Variants in MERTK observed in about 807,000 individuals in gnomAD.
MERTK encodes the protein MER proto-oncogene, tyrosine kinase, also known as tyrosine-protein kinase Mer.
MERTK carries 69 observed loss-of-function variants against 99.3 expected under a neutral mutation model. The observed-to-expected ratio is 0.70, with a 90% CI of 0.57 to 0.85. The LOEUF (loss-of-function observed/expected upper bound fraction) is 0.85. MERTK is among the 40% of genes least tolerant of loss of function. The pLI is 0.00. For synonymous variants in MERTK, 426 were observed against 467.6 expected (o/e 0.91, Z 1.15); for missense variants, 1,125 against 1,249.4 (o/e 0.90, Z 1.50).
intron 2 of MERTK, among the ~76,000 whole-genome samples, chr2:111,934,949 C>T (rs1684738633): frequency 6.6e-6 from 1 of 152,032 alleles, no homozygotes; most frequent in African/African-American, 2.4e-5. Flanking sequence ...ATCTAATGGC[C>T]CAGAGCTTTG....
intron 16 of MERTK, among the ~76,000 whole-genome samples, chr2:112,020,886 G>A (rs1558810495): frequency 6.6e-6 from 1 of 152,038 alleles, no homozygotes; most frequent in African/African-American, 2.4e-5. Flanking sequence ...ACACAGATCA[G>A]AGCGATGCAA....
Position 112,028,344 on chromosome 2 carries a change from C to T in MERTK, c.2487-7C>T, listed in dbSNP as rs761348682. 14 of 1,614,062 alleles carry T rather than the reference C, an allele frequency of 8.7e-6. No homozygotes were observed. The highest frequency in any genetic ancestry group is 1.1e-5 in the Non-Finnish European group (13 of 1,179,934). On this transcript the variant is annotated splice_polypyrimidine_tract_variant and splice_region_variant and intron_variant, in intron 18 of 18. Transcript: ENST00000295408. The stretch of plus-strand genomic sequence containing the variant: ...TGGGAGACAATCCACTTCTTTTTAA[C>T]TTTCAGGTATGAAATAATGTACTCT...
intron 6 of MERTK, among the ~76,000 whole-genome samples, chr2:111,968,952 G>A (rs1676018793): frequency 6.6e-6 from 1 of 152,210 alleles, no homozygotes; most frequent in South Asian, 2.1e-4. Context: ...AGAAGGGCCA[G>A]GACAAGATAG....
In MERTK at chr2:111,974,360, C is replaced by G. The variant is rs147571811; in HGVS notation, c.961-929C>G. ...GGAGGTCAAACCATTGCACTCCAGCCTGGGCAACAGAGTCAGACTCCATCT... is the reference window on the plus strand; with the variant it reads ...GGAGGTCAAACCATTGCACTCCAGCGTGGGCAACAGAGTCAGACTCCATCT... On this transcript the variant is annotated intron_variant, in intron 6 of 18. Transcript: ENST00000295408. 3.1e-3 allele frequency among the ~76,000 whole-genome samples: 470 copies of G among 151,860 alleles called. 11 individuals carry two copies. Among genetic ancestry groups the G allele is most frequent in the Admixed American group, 0.02 (304 of 15,248 alleles).
chr2:112,014,454 G>A (rs1677175912), intron 15 of MERTK, among the ~76,000 whole-genome samples: 1 of 152,086 alleles, frequency 6.6e-6, no homozygotes, highest in Non-Finnish European at 1.5e-5. Flanking sequence ...GTGAGCCACC[G>A]TGCCTAGCTG....
At chr2:111,898,949 C>G (rs1261179618) in intron 1 of MERTK, among the ~76,000 whole-genome samples, 153 bp downstream of exon 1, 1 of 152,206 alleles carries the variant, frequency 6.6e-6, no homozygotes, top group Non-Finnish European at 1.5e-5. Context: ...GAGGAGGGGG[C>G]GTAGGCGAAC....
chr2:111,993,004 G>A lies in MERTK; in HGVS notation c.1297-1247G>A, dbSNP rs1676659894. On this transcript the variant is annotated intron_variant, in intron 8 of 18. Coordinates refer to ENST00000295408, the MANE Select transcript of MERTK (RefSeq NM_006343.3). ...TCTGACACTATCTCCAGATGATAGT[G>A]TTGGAATTGAACTGGGTTGGAGAAT... 1.3e-5 allele frequency among the ~76,000 whole-genome samples: 2 copies of A among 152,130 alleles called. 1 individual carries two copies. The highest frequency in any genetic ancestry group is 4.1e-4 in the South Asian group (2 of 4,830).
At chr2:112,007,682 T>A (rs566610131) in intron 13 of MERTK, among the ~76,000 whole-genome samples, 7 of 151,750 alleles carry the variant, frequency 4.6e-5, no homozygotes, top group Admixed American at 1.3e-4. Context: ...GCCAGTTTAA[T>A]TCAAAAAATT....
chr2:111,974,226 T>TAAA (rs71385852), intron 6 of MERTK, among the ~76,000 whole-genome samples: 7 of 58,162 alleles, frequency 1.2e-4, no homozygotes, highest in African/African-American at 4.3e-4. Flanking sequence ...CCACCTCTAC[T>TAAA]AAAAAAAAAA....
At chr2:111,973,365 C>T (rs1280263856) in intron 6 of MERTK, among the ~76,000 whole-genome samples, 1 of 152,130 alleles carries the variant, frequency 6.6e-6, no homozygotes, top group African/African-American at 2.4e-5. Flanking sequence ...ACCACCAAGA[C>T]AAGCGTCTGG....
At chr2:111,933,518 C>G (rs752867508) in intron 2 of MERTK, among the ~76,000 whole-genome samples, 10 of 152,084 alleles carry the variant, frequency 6.6e-5, no homozygotes, top group Non-Finnish European at 1.2e-4. Flanking sequence ...GAGAGAAACA[C>G]CTGGTATTTT....
chr2:111,907,544 G>A (rs1684159402), intron 1 of MERTK, among the ~76,000 whole-genome samples: 1 of 152,210 alleles, frequency 6.6e-6, no homozygotes, highest in Non-Finnish European at 1.5e-5. Flanking sequence ...AAACATGGAG[G>A]TATATTTCTG....
intron 6 of MERTK, among the ~76,000 whole-genome samples, chr2:111,974,226 TAAAAAAAA>T (rs71385852): frequency 8.6e-5 from 5 of 58,164 alleles, no homozygotes; most frequent in Admixed American, 4.5e-4. Context: ...CCACCTCTAC[TAAAAAAAA>T]AAAAAAAAAA....
intron 2 of MERTK, among the ~76,000 whole-genome samples, chr2:111,943,060 AC>A (rs1472445370): frequency 1.3e-5 from 2 of 152,192 alleles, no homozygotes; most frequent in Admixed American, 6.5e-5. Context: ...CCAGATGCTA[AC>A]CAGGCTGTGC....
chr2:111,943,425 G>A (rs542387414), intron 2 of MERTK, among the ~76,000 whole-genome samples: 2 of 152,274 alleles, frequency 1.3e-5, no homozygotes, highest in South Asian at 4.1e-4. Flanking sequence ...TGTAATCCTA[G>A]CACTTTGGGA....
In MERTK at chr2:111,950,093, C is replaced by T. The variant is rs984716163; in HGVS notation, c.757+2526C>T. Among the ~76,000 whole-genome samples the T allele has an allele frequency of 1.1e-4, 16 of 152,238 alleles. No homozygotes were observed. The East Asian group carries it at 1.4e-3, about 13-fold the overall frequency. On this transcript the variant is annotated intron_variant, in intron 4 of 18. Transcript: ENST00000295408. ...GCCGAATTACAGGCACCTGCCACTA[C>T]GCCTGGCTACTTTTTGTATTTAAGT...
chr2:111,903,554 C>T (rs1684083650), intron 1 of MERTK, among the ~76,000 whole-genome samples: 1 of 152,214 alleles, frequency 6.6e-6, no homozygotes, highest in Non-Finnish European at 1.5e-5. Flanking sequence ...CCCTGGGTGC[C>T]TTGACTTTGG....
At chr2:112,018,430 T>C (rs1677263109) in intron 15 of MERTK, among the ~76,000 whole-genome samples, 1 of 152,206 alleles carries the variant, frequency 6.6e-6, no homozygotes, top group African/African-American at 2.4e-5. Context: ...AAAACTTCCA[T>C]ACTTAAAGAT....
chr2:111,995,812 T>C (rs559379501), intron 9 of MERTK, among the ~76,000 whole-genome samples: 135 of 152,062 alleles, frequency 8.9e-4, no homozygotes, highest in African/African-American at 3.2e-3. Flanking sequence ...CAACAAAAAT[T>C]AGCAGGGTGT....
Sources: gnomAD v4.1 joint callset for allele counts (sites outside exome capture counted in the v4.1 genomes callset) on GRCh38, gnomAD v4.1.1 for gene constraint, MANE v1.5 for transcripts, NCBI Gene and HGNC (gene_info 2026-07-23, HGNC 2026-07-21) for gene names.